THAP4: variants seen among roughly 807,000 people sequenced by gnomAD.
The protein encoded by THAP4 is peroxynitrite isomerase THAP4.
A neutral mutation model predicts 48.1 loss-of-function variants in THAP4; 18 were observed. The ratio of observed to expected loss-of-function variants is 0.37; its 90% confidence interval spans 0.26 to 0.56. The LOEUF (loss-of-function observed/expected upper bound fraction) is 0.56. Ranked by LOEUF, THAP4 falls within the 20% of genes least tolerant of loss-of-function variation. The pLI, the probability that THAP4 is intolerant of heterozygous loss-of-function variation, is 0.78. For synonymous variants in THAP4, 345 were observed against 324.9 expected (o/e 1.06, Z -0.66); for missense variants, 656 against 774.9 (o/e 0.85, Z 1.82).
Position 241,601,904 on chromosome 2 carries a change from C to T in THAP4, c.1606G>A (p.Val536Ile), listed in dbSNP as rs781546012. The change falls in exon 5 of 6, where the codon GTA becomes ATA. Residue 536 changes from valine to isoleucine, a missense_variant. Physicochemically the swap from Val to Ile is conservative, Grantham distance 29. Around this residue, in one of 4 missense-constraint regions of THAP4, gnomAD observed 176 missense variants for 256.7 expected, o/e 0.69. Coordinates refer to ENST00000407315, the MANE Select transcript of THAP4 (RefSeq NM_015963.6). This position sits in a 1 kb window ranked among gnomAD's most constrained non-coding sequence, Gnocchi z 4.0. ...AGCAGGGCTGGGCTCACCTGCTCTA[C>T]GTGGGGCTCCTTGGCGAAGGAGATC... ...ARISFAKEPH[V>I]EQITRKFRLN... The T allele has an allele frequency of 3.7e-6, 6 of 1,614,000 alleles. No individual in the cohort carries two copies. Among genetic ancestry groups the T allele is most frequent in the Middle Eastern group, 1.7e-4 (1 of 6,014 alleles).
intron 5 of THAP4, among the ~76,000 whole-genome samples, chr2:241,592,611 C>T (rs944982713): frequency 2.0e-5 from 3 of 152,234 alleles, no homozygotes; most frequent in Non-Finnish European, 2.9e-5. Flanking sequence ...GACACTCACA[C>T]GTCCCATCCC....
intron 5 of THAP4, among the ~76,000 whole-genome samples, chr2:241,596,336 GTC>G (rs1559219518): frequency 6.7e-6 from 1 of 150,372 alleles, no homozygotes; most frequent in African/African-American, 2.5e-5. Context: ...GTGAAACCCC[GTC>G]TCTACTAAAA....
intron 2 of THAP4, among the ~76,000 whole-genome samples, chr2:241,632,281 T>C (rs2067574530): frequency 6.6e-6 from 1 of 152,116 alleles, no homozygotes; most frequent in African/African-American, 2.4e-5. Flanking sequence ...TTTAGTAGTA[T>C]GTTTTTGTAT....
chr2:241,634,539 G>A (rs2067613266), intron 1 of THAP4, among the ~76,000 whole-genome samples: 1 of 152,250 alleles, frequency 6.6e-6, no homozygotes, highest in South Asian at 2.1e-4. Flanking sequence ...GGACTGCATG[G>A]AGGCAGCCCT....
intron 2 of THAP4, among the ~76,000 whole-genome samples, chr2:241,628,433 C>T (rs1393554651): frequency 1.3e-5 from 2 of 152,154 alleles, no homozygotes; most frequent in Admixed American, 6.5e-5. Flanking sequence ...CCGTTCCTCA[C>T]CCCCATCTCC....
chr2:241,608,839 C>G (rs1260281015), intron 2 of THAP4, among the ~76,000 whole-genome samples: 3 of 152,166 alleles, frequency 2.0e-5, no homozygotes, highest in Admixed American at 1.3e-4. Flanking sequence ...ACAAGGACAC[C>G]CTCCCTGAGA....
rs2067585241 is a variant in THAP4, at chr2:241,633,006, T to G, written c.1151A>C (p.Asp384Ala). Residue 384 changes from aspartate (D) to alanine (A), a missense_variant, in exon 2 of 6, where the codon GAC becomes GCC. Asp to Ala is a moderately radical substitution (Grantham distance 126). Transcript: ENST00000407315. This position sits in a 1 kb window ranked among gnomAD's most constrained non-coding sequence, Gnocchi z 7.5. ...CTCCTGTAGCTTCCGCACCTGGCTG[T>G]CGGAGCGGCTGACCCTCTGCCGCAG... ...KSLRQRVSRS[D>A]SQVRKLQEKL... The G allele has an allele frequency of 1.9e-6, 3 of 1,613,630 alleles. No individual in the cohort carries two copies. In the Admixed American group the frequency reaches 5.0e-5, roughly 27 times the overall value.
intron 2 of THAP4, among the ~76,000 whole-genome samples, chr2:241,626,587 G>A (rs759331179): frequency 6.7e-6 from 1 of 149,736 alleles, no homozygotes; most frequent in African/African-American, 2.5e-5. Context: ...TTTTTTAGAC[G>A]GAGTCTCGCT....
At chr2:241,591,777 A>G (rs1318759489) in intron 5 of THAP4, among the ~76,000 whole-genome samples, 1 of 152,242 alleles carries the variant, frequency 6.6e-6, no homozygotes, top group Non-Finnish European at 1.5e-5. Flanking sequence ...AAGCTTCCAG[A>G]AAAATTCAGA....
intron 3 of THAP4, among the ~76,000 whole-genome samples, chr2:241,605,718 TTTTC>T (rs1175153161): frequency 1.3e-5 from 2 of 148,206 alleles, no homozygotes; most frequent in African/African-American, 4.8e-5. Flanking sequence ...TGACTAATTT[TTTTC>T]TTTTTTTTTT....
chr2:241,607,341 C>T (rs1157707479), intron 2 of THAP4, among the ~76,000 whole-genome samples: 1 of 152,052 alleles, frequency 6.6e-6, no homozygotes, highest in Non-Finnish European at 1.5e-5. Flanking sequence ...TCAGGATTCA[C>T]TCACATGACC....
chr2:241,625,523 T>G (rs1575037089), intron 2 of THAP4, among the ~76,000 whole-genome samples: 1 of 144,124 alleles, frequency 6.9e-6, no homozygotes, highest in Non-Finnish European at 1.5e-5. Flanking sequence ...AGAGTCCAGG[T>G]GTGTGGATCA....
At chr2:241,625,108 A>C (rs1429893914) in intron 2 of THAP4, among the ~76,000 whole-genome samples, 1 of 152,236 alleles carries the variant, frequency 6.6e-6, no homozygotes, top group Non-Finnish European at 1.5e-5. Flanking sequence ...ACCAGAAAAC[A>C]GTAGCAGAGG....
intron 2 of THAP4, among the ~76,000 whole-genome samples, chr2:241,617,701 G>T (rs866481524): frequency 6.6e-6 from 1 of 152,150 alleles, no homozygotes; most frequent in East Asian, 1.9e-4. Context: ...GCGGAGTGAC[G>T]AGTGCGGCTT....
chr2:241,598,290 C>T (rs1048175773), intron 5 of THAP4, among the ~76,000 whole-genome samples: 10 of 152,194 alleles, frequency 6.6e-5, no homozygotes, highest in African/African-American at 9.6e-5. Context: ...CCAACTCCCA[C>T]GGGGCCACCC....
chr2:241,615,281 C>G (rs1360370224), intron 2 of THAP4, among the ~76,000 whole-genome samples: 1 of 152,180 alleles, frequency 6.6e-6, no homozygotes, highest in Non-Finnish European at 1.5e-5. Flanking sequence ...CCTGCCAAAA[C>G]TCACCACGGG....
chr2:241,587,352 C>T (rs2066906998), intron 5 of THAP4, among the ~76,000 whole-genome samples: 1 of 152,184 alleles, frequency 6.6e-6, no homozygotes, highest in Non-Finnish European at 1.5e-5. Flanking sequence ...GACCTTTGGA[C>T]TCCCAGATGT....
At chr2:241,637,441 A>G, upstream of THAP4, 1 of 1,466,004 alleles carries the variant, frequency 6.8e-7, no homozygotes, top group Admixed American at 2.2e-5. Flanking sequence ...AAGAGGAGGA[A>G]GCGCCACCCA....
chr2:241,584,561 A>G lies in THAP4; in HGVS notation c.*45T>C. On this transcript the variant is annotated 3_prime_UTR_variant, in exon 6 of 6. Coordinates refer to ENST00000407315, the MANE Select transcript of THAP4 (RefSeq NM_015963.6). ...TGTCTGTTGAGGAGCCGAACCGTTG[A>G]GGCACAGTAGCCAGGCCCTCCCGAG... 6.2e-7 allele frequency: 1 copy of G among 1,612,450 alleles called. No homozygotes were observed. Among genetic ancestry groups the G allele is most frequent in the East Asian group, 2.2e-5 (1 of 44,856 alleles).
Sources: gnomAD v4.1 joint callset for allele counts (sites outside exome capture counted in the v4.1 genomes callset) on GRCh38, gnomAD v4.1.1 for gene constraint, gnomAD v4.1.1 regional missense constraint, Gnocchi (gnomAD v3.1) non-coding constraint, MANE v1.5 for transcripts, NCBI Gene and HGNC (gene_info 2026-07-23, HGNC 2026-07-21) for gene names.